The following RBM48 variants were observed in gnomAD, a reference collection of about 807,000 sequenced individuals.
RBM48 encodes RNA-binding protein 48.
Under a neutral mutation model 34.8 loss-of-function variants are expected in RBM48, and 32 were observed. The ratio of observed to expected loss-of-function variants is 0.92; its 90% CI spans 0.69 to 1.23. RBM48 has a LOEUF of 1.23. RBM48 is among the 50% of genes most tolerant of loss of function. The pLI is 0.00. For missense variants in RBM48, 441 were observed against 447.2 expected, an observed-to-expected ratio of 0.99 and a Z score of 0.12; for synonymous variants, 151 against 156.2, an observed-to-expected ratio of 0.97 and a Z score of 0.25.
Position 92,535,356 on chromosome 7 carries a change from T to C in RBM48, c.1017+386T>C, listed in dbSNP as rs1020952018. 4.5e-6 allele frequency: 5 copies of C among 1,111,322 alleles called. No individual in the cohort carries two copies. In the African/African-American group the frequency reaches 8.1e-5, roughly 18 times the overall value. The allele number at this position is 1,111,322 out of a possible 1,614,324, so 68.8% of individuals were successfully genotyped here. A position where few individuals can be genotyped will look rare whatever the true frequency, so the allele number is the denominator to read the frequency against. ...ATTATTTCTCTCAAATTTAGAGTTA[T>C]TACAGTTTATATCAAATTCAAAATG... On this transcript the variant is annotated intron_variant, in intron 4 of 4. Coordinates refer to ENST00000265732, the MANE Select transcript of RBM48 (RefSeq NM_032120.4).
chr7:92,539,253 C>G lies in RBM48; in HGVS notation c.*2316C>G, dbSNP rs971076080. The stretch of plus-strand genomic sequence containing the variant: ...CGCTCATCTCTTTTCAGATTGGAAG[C>G]CTGCCTTTTACACATTGCTTTTTAC... On this transcript the variant is annotated 3_prime_UTR_variant, in exon 5 of 5. Transcript: ENST00000265732. Among the ~76,000 whole-genome samples, 4 of 152,202 alleles carry G rather than the reference C, an allele frequency of 2.6e-5. No individual in the cohort carries two copies. Among genetic ancestry groups the G allele is most frequent in the South Asian group, 2.1e-4 (1 of 4,834 alleles).
In RBM48 at chr7:92,537,170, C is replaced by G; in HGVS notation, c.*233C>G. ...TGATCTCGGCTCACTGCAACCTCCA[C>G]CTCCCGGGTTCAAGCGATTCTCCTG... On this transcript the variant is annotated 3_prime_UTR_variant, in exon 5 of 5. Coordinates refer to ENST00000265732, the MANE Select transcript of RBM48 (RefSeq NM_032120.4). 3.5e-6 allele frequency: 1 copy of G among 282,484 alleles called. No individual in the cohort carries two copies. Among genetic ancestry groups the G allele is most frequent in the Non-Finnish European group, 6.8e-6 (1 of 146,840 alleles). The allele number at this position is 282,484 out of a possible 1,614,324, so 17.5% of individuals were successfully genotyped here. A position where few individuals can be genotyped will look rare whatever the true frequency, so the allele number is the denominator to read the frequency against.
At chr7:92,532,897 A>C (rs1793611510) in intron 3 of RBM48, among the ~76,000 whole-genome samples, 1 of 152,274 alleles carries the variant, frequency 6.6e-6, no homozygotes, top group South Asian at 2.1e-4. Context: ...TAATTAATAC[A>C]GTATAACCAA....
chr7:92,535,641 G>T (rs1191186075), intron 4 of RBM48: 31 of 984,788 alleles, frequency 3.1e-5, no homozygotes, highest in Non-Finnish European at 3.6e-5. Flanking sequence ...ATAAACTGAG[G>T]GTTATGACAT....
chr7:92,529,270 A>T (rs936255589), intron 1 of RBM48: 20 of 578,606 alleles, frequency 3.5e-5, no homozygotes, highest in Admixed American at 1.0e-4. Context: ...GACTGAAGGT[A>T]GTCTGTTATA....
In RBM48 at chr7:92,534,611, A is replaced by G. The variant is rs776289022; in HGVS notation, c.658A>G (p.Arg220Gly). Residue 220 changes from arginine to glycine, a missense_variant, in exon 4 of 5, where the codon AGA becomes GGA. Coordinates refer to ENST00000265732, the MANE Select transcript of RBM48 (RefSeq NM_032120.4). ...CMCSSGGPVD[R>G]APDSSKDGRN... ...GTGTTCATCCGGGGGACCTGTAGAC[A>G]GAGCACCAGACTCCTCTAAGGATGG... 60 of 1,614,088 alleles carry G rather than the reference A, an allele frequency of 3.7e-5. No homozygotes were observed. The highest frequency in any genetic ancestry group is 5.0e-5 in the Non-Finnish European group (59 of 1,180,012).
In RBM48 at chr7:92,536,837, T is replaced by A. The variant is rs774601731; in HGVS notation, c.1018-14T>A. The A allele has an allele frequency of 1.3e-6, 2 of 1,569,466 alleles. No homozygotes were observed. Among genetic ancestry groups the A allele is most frequent in the Non-Finnish European group, 8.6e-7 (1 of 1,164,654 alleles). ...GAAACTAAGTTTTAATGGTTCTTTT[T>A]TTTTTTTAATTAGGTAATTTCATCT... On this transcript the variant is annotated splice_polypyrimidine_tract_variant and intron_variant, in intron 4 of 4. Transcript: ENST00000265732.
chr7:92,534,378 C>A (rs377374922), intron 3 of RBM48, 24 bp from the exon 4 acceptor site: 1 of 1,589,414 alleles, frequency 6.3e-7, no homozygotes, highest in Non-Finnish European at 8.6e-7. Flanking sequence ...CCCTTTCCCT[C>A]AACTTTTAAA....
rs1292026535 is a variant in RBM48, at chr7:92,539,852, C to G, written c.*2915C>G. On this transcript the variant is annotated 3_prime_UTR_variant, in exon 5 of 5. Transcript: ENST00000265732. ...CATACATGAAAAACCTTCATAAGCACAAAGTACTCTATGTCTCCAAAATTT... is the reference window on the plus strand; with the variant it reads ...CATACATGAAAAACCTTCATAAGCAGAAAGTACTCTATGTCTCCAAAATTT... 6.6e-6 allele frequency among the ~76,000 whole-genome samples: 1 copy of G among 152,172 alleles called. No homozygotes were observed. Among genetic ancestry groups the G allele is most frequent in the Admixed American group, 6.5e-5 (1 of 15,280 alleles).
At chr7:92,533,737 T>A (rs1309290181) in intron 3 of RBM48, among the ~76,000 whole-genome samples, 1 of 152,178 alleles carries the variant, frequency 6.6e-6, no homozygotes, top group Non-Finnish European at 1.5e-5. Context: ...TAAGTTAACA[T>A]AACTCCCATG....
intron 2 of RBM48, among the ~76,000 whole-genome samples, chr7:92,531,688 A>C (rs1793579558): frequency 6.6e-6 from 1 of 152,214 alleles, no homozygotes; most frequent in African/African-American, 2.4e-5. Context: ...AGACATCTGG[A>C]TTTGAATCCT....
intron 4 of RBM48, chr7:92,535,974 TA>T: frequency 2.5e-6 from 1 of 393,098 alleles, no homozygotes; most frequent in Non-Finnish European, 3.5e-6. Context: ...ATCTTTACCA[TA>T]AATATACAAA....
intron 4 of RBM48, chr7:92,535,848 G>A: frequency 1.0e-6 from 1 of 981,134 alleles, no homozygotes; most frequent in Non-Finnish European, 1.2e-6. Flanking sequence ...TAGCTTTTCA[G>A]TTTAGGCTGG....
chr7:92,536,407 G>C (rs1278299465), intron 4 of RBM48: 1 of 985,474 alleles, frequency 1.0e-6, no homozygotes. Flanking sequence ...TTTTCTGATG[G>C]TGTGTTTGCT....
chr7:92,529,037 C>A, intron 1 of RBM48, 113 bp downstream of exon 1: 1 of 796,060 alleles, frequency 1.3e-6, no homozygotes, highest in Non-Finnish European at 2.1e-6. Flanking sequence ...AGATCTGTCT[C>A]TCGTTAGAGC....
chr7:92,536,797 T>C, intron 4 of RBM48, 54 bp from the exon 5 acceptor site: 1 of 1,515,450 alleles, frequency 6.6e-7, no homozygotes, highest in Non-Finnish European at 8.8e-7. Flanking sequence ...ATAGCTTATT[T>C]ACTCCTGTGC....
chr7:92,532,137 G>T (rs948820471), intron 2 of RBM48, among the ~76,000 whole-genome samples: 1 of 152,082 alleles, frequency 6.6e-6, no homozygotes, highest in Non-Finnish European at 1.5e-5. Flanking sequence ...CATACTTCAG[G>T]CCAACCAGCT....
At position 92,536,832 on chromosome 7, in the gene RBM48, CT is replaced by C. The variant is rs377641940; in HGVS notation, c.1018-7del. 0.095 allele frequency: 82,739 copies of C among 869,566 alleles called. 4 individuals carry two copies. The highest frequency in any genetic ancestry group is 0.14 in the South Asian group (6,569 of 48,202). The allele number at this position is 869,566 out of a possible 1,614,324, so 53.9% of individuals were successfully genotyped here. A position where few individuals can be genotyped will look rare whatever the true frequency, so the allele number is the denominator to read the frequency against. ...CTATAGAAACTAAGTTTTAATGGTT[CT>C]TTTTTTTTTTTAATTAGGTAATTTC... On this transcript the variant is annotated intron_variant, in intron 4 of 4. Coordinates refer to ENST00000265732, the MANE Select transcript of RBM48 (RefSeq NM_032120.4).
chr7:92,532,177 C>A (rs920760034), intron 2 of RBM48, among the ~76,000 whole-genome samples: 6 of 151,990 alleles, frequency 3.9e-5, no homozygotes, highest in African/African-American at 1.5e-4. Context: ...GACTAGGGAA[C>A]AAAGAGGCTC....
Sources: gnomAD v4.1 joint callset for allele counts (sites outside exome capture counted in the v4.1 genomes callset) on GRCh38, gnomAD v4.1.1 for gene constraint, MANE v1.5 for transcripts, NCBI Gene and HGNC (gene_info 2026-07-23, HGNC 2026-07-21) for gene names.